Variants in CLYBL observed in about 807,000 individuals in gnomAD.
CLYBL encodes citramalyl-CoA lyase, also known as citramalyl-CoA lyase, mitochondrial.
CLYBL carries 31 observed loss-of-function variants against 38.9 expected under a neutral mutation model. That is an observed-to-expected ratio of 0.80 (90% CI 0.60 to 1.08). The LOEUF (loss-of-function observed/expected upper bound fraction) is 1.08. CLYBL is among the 50% of genes least tolerant of loss of function. CLYBL has a pLI of 0.00. For synonymous variants in CLYBL, 171 were observed against 158.6 expected (o/e 1.08, Z -0.59); for missense variants, 434 against 411.6 (o/e 1.05, Z -0.47).
chr13:99,697,975 C>T (rs960078997), intron 1 of CLYBL, among the ~76,000 whole-genome samples: 1 of 152,000 alleles, frequency 6.6e-6, no homozygotes, highest in African/African-American at 2.4e-5. Context: ...AGCACCAGGG[C>T]AGCAGGGCAC....
intron 1 of CLYBL, among the ~76,000 whole-genome samples, chr13:99,686,423 A>G (rs1023303148): frequency 6.6e-6 from 1 of 152,218 alleles, no homozygotes; most frequent in Non-Finnish European, 1.5e-5. Context: ...TCTATAGCAG[A>G]AACATCTTTG....
chr13:99,895,675 G>A (rs1445295915), downstream of CLYBL: 2 of 152,208 alleles, frequency 1.3e-5, no homozygotes, highest in Non-Finnish European at 2.9e-5. Context: ...GTGTTCGTTT[G>A]TTTAAATTCC....
chr13:99,700,733 T>C (rs1442271215), intron 1 of CLYBL, among the ~76,000 whole-genome samples: 1 of 152,180 alleles, frequency 6.6e-6, no homozygotes, highest in East Asian at 1.9e-4. Flanking sequence ...TTCAGAGAAC[T>C]CAAATGTGTA....
At chr13:99,803,654 A>G in intron 2 of CLYBL, among the ~76,000 whole-genome samples, 1 of 152,202 alleles carries the variant, frequency 6.6e-6, no homozygotes, top group East Asian at 1.9e-4. Flanking sequence ...TGTATGTAAA[A>G]CACTTACCAG....
intron 1 of CLYBL, among the ~76,000 whole-genome samples, chr13:99,757,588 T>C (rs1200385854): frequency 1.3e-5 from 2 of 152,210 alleles, no homozygotes; most frequent in African/African-American, 4.8e-5. Flanking sequence ...CCATTGTAGC[T>C]GGGATTACAG....
At chr13:99,663,351 GA>G (rs946587018) in intron 1 of CLYBL, among the ~76,000 whole-genome samples, 1 of 152,164 alleles carries the variant, frequency 6.6e-6, no homozygotes, top group African/African-American at 2.4e-5. Context: ...TTACGTGGCT[GA>G]AGAAGAATGT....
At chr13:99,743,197 G>T (rs1414400516) in intron 1 of CLYBL, among the ~76,000 whole-genome samples, 3 of 151,892 alleles carry the variant, frequency 2.0e-5, no homozygotes, top group Admixed American at 6.6e-5. Context: ...TACCTGAATT[G>T]CTTTTAATTA....
intron 1 of CLYBL, among the ~76,000 whole-genome samples, chr13:99,740,627 G>A (rs753173652): frequency 1.3e-5 from 2 of 152,138 alleles, no homozygotes; most frequent in Non-Finnish European, 2.9e-5. Flanking sequence ...ATGACTTAAC[G>A]AGCTGGAAAG....
chr13:99,769,040 C>T (rs1487508905), intron 1 of CLYBL, among the ~76,000 whole-genome samples: 2 of 152,186 alleles, frequency 1.3e-5, no homozygotes, highest in Non-Finnish European at 2.9e-5. Context: ...AACAGTGGCT[C>T]TCAGCCTCTT....
chr13:99,727,689 G>A (rs1310889810), intron 1 of CLYBL, among the ~76,000 whole-genome samples: 1 of 152,038 alleles, frequency 6.6e-6, no homozygotes, highest in African/African-American at 2.4e-5. Context: ...CCCGTGGCCA[G>A]TATGGGAGTA....
intron 1 of CLYBL, among the ~76,000 whole-genome samples, chr13:99,744,019 C>A (rs1267762170): frequency 2.4e-5 from 3 of 126,398 alleles, no homozygotes. Context: ...GTCACCCAGG[C>A]TGGAATGCGG....
chr13:99,901,682 T>C (rs911995330), downstream of CLYBL, among the ~76,000 whole-genome samples: 1 of 150,548 alleles, frequency 6.6e-6, no homozygotes, highest in Non-Finnish European at 1.5e-5. Context: ...TTGTTTGAGA[T>C]GGAGTCTTGC....
chr13:99,743,231 CT>C (rs2048788199), intron 1 of CLYBL, among the ~76,000 whole-genome samples: 1 of 152,062 alleles, frequency 6.6e-6, no homozygotes, highest in African/African-American at 2.4e-5. Flanking sequence ...CATCATTTTA[CT>C]TCAGATTCTT....
chr13:99,839,609 G>C (rs1253247454), intron 2 of CLYBL, among the ~76,000 whole-genome samples: 3 of 152,086 alleles, frequency 2.0e-5, no homozygotes, highest in Non-Finnish European at 4.4e-5. Flanking sequence ...CACACCATTG[G>C]GTGTGTGTAT....
At chr13:99,665,677 C>T (rs186779301) in intron 1 of CLYBL, among the ~76,000 whole-genome samples, 70 of 151,932 alleles carry the variant, frequency 4.6e-4, no homozygotes, top group African/African-American at 1.6e-3. Flanking sequence ...CTCTGAGAAT[C>T]GAATCGAGCT....
intron 1 of CLYBL, among the ~76,000 whole-genome samples, chr13:99,607,807 A>C (rs1383776990): frequency 6.6e-6 from 1 of 152,070 alleles, no homozygotes; most frequent in Non-Finnish European, 1.5e-5. Flanking sequence ...ACAGTGGTGT[A>C]ATCTCGGCTT....
At chr13:99,797,560 TTGTGTGTGTGTG>T in intron 2 of CLYBL, among the ~76,000 whole-genome samples, 1 of 141,812 alleles carries the variant, frequency 7.1e-6, no homozygotes, top group African/African-American at 2.7e-5. Flanking sequence ...TGTTAGCTGT[TTGTGTGTGTGTG>T]TGTGTGTGTG....
chr13:99,679,030 C>T (rs970654484), intron 1 of CLYBL, among the ~76,000 whole-genome samples: 2 of 152,118 alleles, frequency 1.3e-5, no homozygotes. Flanking sequence ...CGTGGAGGCT[C>T]ATGTCTGTAA....
intron 2 of CLYBL, among the ~76,000 whole-genome samples, chr13:99,827,210 G>A (rs371910055): frequency 3.5e-4 from 54 of 152,270 alleles, no homozygotes; most frequent in African/African-American, 1.2e-3. Flanking sequence ...GTGGGGTTAC[G>A]TGTGAGCCTT....
Sources: gnomAD v4.1 joint callset for allele counts (sites outside exome capture counted in the v4.1 genomes callset) on GRCh38, gnomAD v4.1.1 for gene constraint, MANE v1.5 for transcripts, NCBI Gene and HGNC (gene_info 2026-07-23, HGNC 2026-07-21) for gene names.